Variants in ROBO2 observed in about 807,000 individuals in gnomAD.
ROBO2 encodes the protein roundabout guidance receptor 2.
Under a neutral mutation model 160.8 loss-of-function variants are expected in ROBO2, and 53 were observed. The ratio of observed to expected loss-of-function variants is 0.33; its 90% CI spans 0.26 to 0.41. The LOEUF (loss-of-function observed/expected upper bound fraction) is 0.41. Among genes scored for constraint, ROBO2 ranks in the 10% least tolerant of loss-of-function variants. The probability of loss-of-function intolerance (pLI) is 1.00; values close to 1 mark genes in which losing one functional copy is unlikely to be tolerated. For synonymous variants in ROBO2, 664 were observed against 611.7 expected, an observed-to-expected ratio of 1.09 and a Z score of -1.26; for missense variants, 1,577 against 1,722.4, an observed-to-expected ratio of 0.92 and a Z score of 1.49.
At position 77,256,186 on chromosome 3, in the gene ROBO2, T is replaced by C. The variant is rs962351982; in HGVS notation, c.388+157846T>C. ...ATTTCGCCAGCAGAAGTGGGATTAATAGATCAAAATAGTATTACAGCACAT... is the reference window on the plus strand; with the variant it reads ...ATTTCGCCAGCAGAAGTGGGATTAACAGATCAAAATAGTATTACAGCACAT... On this transcript the variant is annotated intron_variant, in intron 2 of 25. Transcript: ENST00000461745. Among the ~76,000 whole-genome samples the C allele has an allele frequency of 2.0e-5, 3 of 152,180 alleles. No individual in the cohort carries two copies. In the South Asian group the frequency reaches 6.2e-4, roughly 31 times the overall value.
intron 2 of ROBO2, among the ~76,000 whole-genome samples, chr3:76,745,621 G>A (rs1313326319): frequency 6.6e-6 from 1 of 151,876 alleles, no homozygotes; most frequent in East Asian, 1.9e-4. Context: ...GCCCTTTTGT[G>A]TGTGCTTGAG....
At position 76,455,280 on chromosome 3, in the gene ROBO2, T is replaced by G. The variant is rs547510371; in HGVS notation, c.109+517678T>G. On this transcript the variant is annotated intron_variant, in intron 2 of 26. Coordinates refer to the ROBO2 transcript ENST00000487694. The stretch of plus-strand genomic sequence containing the variant: ...GCTAGGCTTCATAAATGTTTCGTTT[T>G]ATCCAATGAATGTACAGCATTTGAC... 2.3e-3 allele frequency among the ~76,000 whole-genome samples: 353 copies of G among 152,246 alleles called. 2 individuals carry two copies. The highest frequency in any genetic ancestry group is 6.7e-3 in the African/African-American group (279 of 41,572).
chr3:76,154,636 T>G (rs376725964), intron 2 of ROBO2, among the ~76,000 whole-genome samples: 1 of 152,072 alleles, frequency 6.6e-6, no homozygotes, highest in African/African-American at 2.4e-5. Context: ...TTTGATTACA[T>G]TTTTTCAATG....
At chr3:77,426,978 T>C (rs1049411996) in intron 2 of ROBO2, among the ~76,000 whole-genome samples, 12 of 152,230 alleles carry the variant, frequency 7.9e-5, no homozygotes, top group African/African-American at 2.7e-4. Flanking sequence ...CCAAGAGTCA[T>C]ACTCCTTTTA....
intron 2 of ROBO2, among the ~76,000 whole-genome samples, chr3:76,973,054 C>T (rs1577960271): frequency 6.6e-6 from 1 of 152,234 alleles, no homozygotes; most frequent in Non-Finnish European, 1.5e-5. Context: ...GTTAACAGTA[C>T]AAATATCCAG....
At chr3:77,307,610 C>T (rs1020328502) in intron 2 of ROBO2, among the ~76,000 whole-genome samples, 1 of 152,118 alleles carries the variant, frequency 6.6e-6, no homozygotes, top group South Asian at 2.1e-4. Context: ...GGGCAAGGTG[C>T]GGTAGCTCAC....
chr3:76,866,477 C>T (rs1362761348), intron 2 of ROBO2, among the ~76,000 whole-genome samples: 1 of 151,972 alleles, frequency 6.6e-6, no homozygotes, highest in African/African-American at 2.4e-5. Context: ...TTGTTATTGA[C>T]AAACTTTAAT....
At chr3:77,265,530 A>G (rs900900998) in intron 2 of ROBO2, among the ~76,000 whole-genome samples, 1 of 152,118 alleles carries the variant, frequency 6.6e-6, no homozygotes, top group African/African-American at 2.4e-5. Context: ...ATAATAAATA[A>G]AGCCCTCTTC....
chr3:76,060,994 C>A (rs2220458), intron 2 of ROBO2, among the ~76,000 whole-genome samples: 84,161 of 151,840 alleles, frequency 0.55, 23,709 homozygotes, highest in Middle Eastern at 0.73. Flanking sequence ...ACCCCAAGAA[C>A]AAGATTATTG....
intron 2 of ROBO2, among the ~76,000 whole-genome samples, chr3:76,656,742 C>G (rs956190982): frequency 6.6e-6 from 1 of 151,816 alleles, no homozygotes; most frequent in African/African-American, 2.4e-5. Flanking sequence ...CAGCCTTGAA[C>G]TTGCAGTGAC....
At chr3:77,551,228 AT>A (rs1186000193) in intron 8 of ROBO2, among the ~76,000 whole-genome samples, 1 of 151,966 alleles carries the variant, frequency 6.6e-6, no homozygotes, top group Admixed American at 6.6e-5. Flanking sequence ...AGAATAGTGC[AT>A]TTTTTTAAAT....
At chr3:76,192,036 A>G (rs1227507854) in intron 2 of ROBO2, among the ~76,000 whole-genome samples, 1 of 152,090 alleles carries the variant, frequency 6.6e-6, no homozygotes, top group Non-Finnish European at 1.5e-5. Context: ...ATTGGTTTCC[A>G]ACAGTAACCT....
intron 2 of ROBO2, among the ~76,000 whole-genome samples, chr3:76,688,629 A>AG (rs1560379896): frequency 6.6e-6 from 1 of 151,264 alleles, no homozygotes; most frequent in Admixed American, 6.6e-5. Flanking sequence ...GTGTGTGTGC[A>AG]TGCAAGAAAC....
chr3:76,658,231 T>C (rs186016956), intron 2 of ROBO2, among the ~76,000 whole-genome samples: 324 of 152,018 alleles, frequency 2.1e-3, no homozygotes, highest in Non-Finnish European at 3.8e-3. Flanking sequence ...TCTCTTTTTT[T>C]TGGTGTGTGT....
At chr3:77,527,330 C>A in intron 6 of ROBO2, 73 bp from the exon 7 acceptor site, 1 of 1,097,358 alleles carries the variant, frequency 9.1e-7, no homozygotes, top group South Asian at 1.3e-5. Context: ...ACACATCATG[C>A]ATTCTGATAA....
intron 2 of ROBO2, chr3:76,435,309 A>G: frequency 1.1e-6 from 1 of 919,564 alleles, no homozygotes; most frequent in Non-Finnish European, 1.8e-6. Flanking sequence ...ATCTTCCTAG[A>G]TGAACACCCT....
chr3:76,569,082 G>C (rs1199577798), intron 2 of ROBO2, among the ~76,000 whole-genome samples: 1 of 152,064 alleles, frequency 6.6e-6, no homozygotes, highest in Admixed American at 6.6e-5. Context: ...TTGAAGATGG[G>C]TTATTGCATG....
intron 2 of ROBO2, among the ~76,000 whole-genome samples, chr3:76,988,201 T>G (rs1037072773): frequency 6.6e-6 from 1 of 152,124 alleles, no homozygotes; most frequent in Admixed American, 6.6e-5. Flanking sequence ...AAGGTAAGGC[T>G]TTTTTGCAGT....
intron 2 of ROBO2, among the ~76,000 whole-genome samples, chr3:76,132,988 T>A (rs1440374592): frequency 6.6e-6 from 1 of 152,148 alleles, no homozygotes; most frequent in Non-Finnish European, 1.5e-5. Flanking sequence ...AAAGTGGGGC[T>A]GCAAACGGTC....
Sources: allele counts gnomAD v4.1 joint callset (sites outside exome capture counted in the v4.1 genomes callset), GRCh38; gene constraint gnomAD v4.1.1; transcripts MANE v1.5; gene names NCBI Gene and HGNC (gene_info 2026-07-23, HGNC 2026-07-21).